Variants in PRKCD observed in about 807,000 individuals in gnomAD.
PRKCD encodes protein kinase C delta, also known as protein kinase C delta type.
A neutral mutation model predicts 82.2 loss-of-function variants in PRKCD; 20 were observed. The ratio of observed to expected loss-of-function variants is 0.24; its 90% CI spans 0.17 to 0.35. PRKCD has a LOEUF of 0.35. PRKCD is among the 10% of genes least tolerant of loss of function. The probability of loss-of-function intolerance (pLI) is 1.00; values close to 1 mark genes in which losing one functional copy is unlikely to be tolerated. For missense variants in PRKCD, 607 were observed against 899.0 expected (o/e 0.68, Z 4.15); for synonymous variants, 317 against 337.0 (o/e 0.94, Z 0.65).
At chr3:53,172,745 C>T (rs1319574838) in intron 2 of PRKCD, among the ~76,000 whole-genome samples, 1 of 152,216 alleles carries the variant, frequency 6.6e-6, no homozygotes, top group Non-Finnish European at 1.5e-5. Flanking sequence ...TGACTGACCT[C>T]AGCCTGTCAC....
intron 2 of PRKCD, among the ~76,000 whole-genome samples, chr3:53,168,358 G>A (rs141167974): frequency 1.6e-3 from 250 of 152,366 alleles, no homozygotes; most frequent in African/African-American, 4.4e-3. Context: ...CCTTCACTGT[G>A]TGGGGCCCAG....
At chr3:53,189,362 G>GC in intron 17 of PRKCD, 116 bp downstream of exon 17, 2 of 1,127,124 alleles carry the variant, frequency 1.8e-6, no homozygotes, top group Non-Finnish European at 2.5e-6. Flanking sequence ...CAGTGGTGCT[G>GC]CAGTCCTAAC....
At chr3:53,180,211 A>T (rs1375361502) in intron 4 of PRKCD, among the ~76,000 whole-genome samples, 1 of 148,406 alleles carries the variant, frequency 6.7e-6, no homozygotes, top group African/African-American at 2.4e-5. Context: ...AACTGCATGA[A>T]AGGGTGTGTC....
rs552199774 is a variant in PRKCD, at chr3:53,181,553, C to T, written c.486C>T (p.Ile162=). 20 of 1,614,236 alleles carry T rather than the reference C, an allele frequency of 1.2e-5. No homozygotes were observed. The East Asian group carries it at 1.8e-4, about 14-fold the overall frequency. ...KIHYIKNHEF[I]ATFFGQPTFC... Reference sequence around the variant, plus strand: ...ACTACATCAAGAACCATGAGTTTATCGCCACCTTCTTTGGGCAACCCACCT... The same window carrying T: ...ACTACATCAAGAACCATGAGTTTATTGCCACCTTCTTTGGGCAACCCACCT... The change falls in exon 6 of 19, where the codon ATC becomes ATT. Residue 162 remains isoleucine (I), a synonymous_variant. Coordinates refer to ENST00000330452, the MANE Select transcript of PRKCD (RefSeq NM_006254.4).
chr3:53,169,822 T>C lies in PRKCD; in HGVS notation c.-20+4607T>C, dbSNP rs138082513. On this transcript the variant is annotated intron_variant, in intron 2 of 18. Transcript: ENST00000330452. The surrounding 1 kb of genome is among the most constrained non-coding windows in gnomAD (Gnocchi z 4.7). ...GGCTGGGGGGCTTAACAGAGCCTCT[T>C]TTCCCACTTTCCAAGGAAGTCTGGA... Among the ~76,000 whole-genome samples the C allele has an allele frequency of 8.7e-4, 133 of 152,278 alleles. 1 individual carries two copies. The highest frequency in any genetic ancestry group is 2.7e-3 in the African/African-American group (111 of 41,546).
intron 4 of PRKCD, 101 bp downstream of exon 4, chr3:53,179,877 G>A: frequency 7.0e-7 from 1 of 1,428,816 alleles, no homozygotes. Flanking sequence ...CTTGGTCAGT[G>A]AGCACAGCTG....
chr3:53,164,543 A>G (rs946263226), intron 1 of PRKCD, among the ~76,000 whole-genome samples: 5 of 151,958 alleles, frequency 3.3e-5, no homozygotes, highest in African/African-American at 1.2e-4. Flanking sequence ...AGATCGTGCC[A>G]TTGCACTCCA....
rs1434543945 is a variant in PRKCD, at chr3:53,171,894, A to G, written c.-19-6510A>G. On this transcript the variant is annotated intron_variant, in intron 2 of 18. Transcript: ENST00000330452. ...TCTCCAGGGGCAGTGAGAGCCTAGG[A>G]GGTTCCCAGCTGTGGGAAGAATGGG... Among the ~76,000 whole-genome samples, 4 of 152,186 alleles carry G rather than the reference A, an allele frequency of 2.6e-5. No homozygotes were observed. The East Asian group carries it at 7.7e-4, about 29-fold the overall frequency.
chr3:53,187,071 G>A (rs1187999911), intron 14 of PRKCD, among the ~76,000 whole-genome samples: 8 of 152,220 alleles, frequency 5.3e-5, no homozygotes, highest in Non-Finnish European at 1.2e-4. Flanking sequence ...GTGTGTGTGT[G>A]TGTGTGCATG....
At chr3:53,171,369 C>T (rs1449588609) in intron 2 of PRKCD, among the ~76,000 whole-genome samples, 2 of 152,184 alleles carry the variant, frequency 1.3e-5, no homozygotes, top group Admixed American at 6.5e-5. Context: ...AGCCAGGCTC[C>T]CAAGTCCTGC....
intron 1 of PRKCD, among the ~76,000 whole-genome samples, chr3:53,162,867 A>T (rs1553663276): frequency 6.6e-6 from 1 of 151,726 alleles, no homozygotes; most frequent in Non-Finnish European, 1.5e-5. Flanking sequence ...CACCAGTCTC[A>T]TGTGTGAGTG....
intron 14 of PRKCD, 73 bp downstream of exon 14, chr3:53,186,768 T>C: frequency 7.2e-7 from 1 of 1,393,034 alleles, no homozygotes. Context: ...ACTTCCAGTC[T>C]GCCCTCCATG....
intron 2 of PRKCD, among the ~76,000 whole-genome samples, chr3:53,171,489 G>GC (rs1281744086): frequency 6.6e-6 from 1 of 152,190 alleles, no homozygotes; most frequent in Non-Finnish European, 1.5e-5. Flanking sequence ...TTCTCCTCCA[G>GC]CCCCCCTCAC....
In PRKCD at chr3:53,189,941, G is replaced by A. The variant is rs1703862655; in HGVS notation, c.1812G>A (p.Lys604=). 6.2e-7 allele frequency: 1 copy of A among 1,614,068 alleles called. No homozygotes were observed. The change falls in exon 18 of 19, where the codon AAG becomes AAA. Residue 604 remains lysine, a synonymous_variant. Transcript: ENST00000330452. The part of the protein sequence containing the change: ...TGNIKIHPFF[K]TINWTLLEKR... ...ACATCAAAATCCACCCCTTCTTCAA[G>A]ACCATAAACTGGACTCTGCTGGAAA... is the stretch of plus-strand genomic sequence containing the variant.
At chr3:53,175,301 G>A (rs184330882) in intron 2 of PRKCD, among the ~76,000 whole-genome samples, 10 of 152,306 alleles carry the variant, frequency 6.6e-5, no homozygotes, top group Admixed American at 2.6e-4. Context: ...ATGCGAGTGC[G>A]CTTTGTAAAC....
rs782299120 is a variant in PRKCD at position 53,189,050 on chromosome 3, A to G, written c.1555-8A>G. 6.2e-6 allele frequency: 10 copies of G among 1,607,276 alleles called. No homozygotes were observed. In the East Asian group the frequency reaches 1.1e-4, roughly 18 times the overall value. On this transcript the variant is annotated splice_polypyrimidine_tract_variant and splice_region_variant and intron_variant, in intron 16 of 18. Transcript: ENST00000330452. ...CTCCTGCTGACCTGCTGCTCTCCCC[A>G]CCGCCAGATCCTACAGGGCCTGAAG...
intron 4 of PRKCD, among the ~76,000 whole-genome samples, chr3:53,180,806 C>T (rs1553667245): frequency 6.6e-6 from 1 of 152,126 alleles, no homozygotes; most frequent in African/African-American, 2.4e-5. Context: ...GGAGGAGCAG[C>T]GTGTGTGCAC....
intron 1 of PRKCD, among the ~76,000 whole-genome samples, chr3:53,161,837 G>A (rs1466471058): frequency 7.4e-6 from 1 of 135,660 alleles, no homozygotes; most frequent in Non-Finnish European, 1.6e-5. Context: ...CTTGCCCTCC[G>A]CGTGCTCCAT....
chr3:53,166,291 G>T (rs1702829836), intron 2 of PRKCD, among the ~76,000 whole-genome samples: 1 of 152,178 alleles, frequency 6.6e-6, no homozygotes, highest in African/African-American at 2.4e-5. Context: ...AGGAAGTAAA[G>T]CGCCTTTGGC....
Sources: gnomAD v4.1 joint callset for allele counts (sites outside exome capture counted in the v4.1 genomes callset) on GRCh38, gnomAD v4.1.1 for gene constraint, Gnocchi (gnomAD v3.1) non-coding constraint, MANE v1.5 for transcripts, NCBI Gene and HGNC (gene_info 2026-07-23, HGNC 2026-07-21) for gene names.